Variants in RGS7 observed in about 807,000 individuals in gnomAD.
RGS7 encodes regulator of G-protein signaling 7.
A neutral mutation model predicts 81.1 loss-of-function variants in RGS7; 27 were observed. That is an observed-to-expected ratio of 0.33 (90% CI 0.25 to 0.46). The LOEUF is 0.46. Among genes scored for constraint, RGS7 ranks in the 20% least tolerant of loss-of-function variants. RGS7 has a pLI of 1.00. For synonymous variants in RGS7, 208 were observed against 207.7 expected (o/e 1.00, Z -0.01); for missense variants, 396 against 607.4 (o/e 0.65, Z 3.66).
chr1:240,783,332 C>T (rs1313747337), intron 18 of RGS7, among the ~76,000 whole-genome samples: 1 of 152,116 alleles, frequency 6.6e-6, no homozygotes, highest in African/African-American at 2.4e-5. Context: ...TTAAAAACAT[C>T]ATTCTTGGCC....
intron 3 of RGS7, among the ~76,000 whole-genome samples, chr1:241,034,232 T>C (rs2060222453): frequency 6.6e-6 from 1 of 152,234 alleles, no homozygotes. Flanking sequence ...TTCAACTTAC[T>C]GGTTTCTTAG....
Position 241,207,363 on chromosome 1 carries a change from G to A in RGS7, c.79-108601C>T, listed in dbSNP as rs376184171. Among the ~76,000 whole-genome samples the A allele has an allele frequency of 6.7e-3, 640 of 94,818 alleles. 5 individuals are homozygous for A. Among genetic ancestry groups the A allele is most frequent in the African/African-American group, 0.016 (488 of 30,436 alleles). 62.2% of individuals were successfully genotyped at this position (94,818 alleles called of 152,430 possible). A position where few individuals can be genotyped will look rare whatever the true frequency, so the allele number is the denominator to read the frequency against. On this transcript the variant is annotated intron_variant, in intron 2 of 18. Coordinates refer to ENST00000440928, the MANE Select transcript of RGS7 (RefSeq NM_001364886.1). ...CTTTAAAATGCATATATATATATGC[G>A]TAAATATACAGCTATGTACATATAG...
intron 2 of RGS7, among the ~76,000 whole-genome samples, chr1:241,177,198 A>C (rs2071218212): frequency 6.6e-6 from 1 of 152,226 alleles, no homozygotes; most frequent in East Asian, 1.9e-4. Flanking sequence ...AAAGTAACAG[A>C]GCAGTAGGCT....
chr1:241,089,623 T>C, intron 3 of RGS7, among the ~76,000 whole-genome samples: 2 of 152,212 alleles, frequency 1.3e-5, no homozygotes, highest in South Asian at 4.1e-4. Context: ...ATAACAAATA[T>C]AATAACTAAA....
rs1232411251 is a variant in RGS7 at position 241,091,597 on chromosome 1, A to AT, written c.175+7068_175+7069insA. Among the ~76,000 whole-genome samples the AT allele has an allele frequency of 1.6e-3, 224 of 143,444 alleles. 1 individual carries two copies. Among genetic ancestry groups the AT allele is most frequent in the Non-Finnish European group, 2.4e-3 (156 of 65,076 alleles). The allele number at this position is 143,444 out of a possible 152,430, so 94.1% of individuals were successfully genotyped here. ...AATAAATAAATAAATAAATAAATAA[A>AT]AAAGCTGGCCGGATGCAATGGCTCG... On this transcript the variant is annotated intron_variant, in intron 3 of 18. Transcript: ENST00000440928.
intron 2 of RGS7, among the ~76,000 whole-genome samples, chr1:241,327,542 A>AT (rs2081675585): frequency 6.6e-6 from 1 of 152,214 alleles, no homozygotes; most frequent in African/African-American, 2.4e-5. Context: ...TGTCATTATT[A>AT]TAATGACAGA....
chr1:240,967,864 C>T (rs1292289775), intron 4 of RGS7, among the ~76,000 whole-genome samples: 1 of 151,572 alleles, frequency 6.6e-6, no homozygotes, highest in Non-Finnish European at 1.5e-5. Context: ...TTCGAAATTA[C>T]AAAAAGCAAA....
intron 6 of RGS7, among the ~76,000 whole-genome samples, chr1:240,927,049 TG>T (rs1674568818): frequency 1.3e-5 from 2 of 151,552 alleles, no homozygotes; most frequent in African/African-American, 4.9e-5. Flanking sequence ...TGAAATAAAC[TG>T]GTTTTTTTTG....
intron 1 of RGS7, 83 bp from the exon 2 acceptor site, chr1:241,355,909 A>G: frequency 1.3e-6 from 1 of 765,874 alleles, no homozygotes; most frequent in South Asian, 1.4e-5. Context: ...CCCACCCCAC[A>G]TGGCGCGTTC....
chr1:241,136,058 C>A (rs757492601), intron 2 of RGS7, among the ~76,000 whole-genome samples: 1 of 150,682 alleles, frequency 6.6e-6, no homozygotes, highest in African/African-American at 2.4e-5. Context: ...GTGTTACAAA[C>A]AATATATGAG....
intron 6 of RGS7, among the ~76,000 whole-genome samples, chr1:240,907,165 T>C (rs181091958): frequency 6.6e-6 from 1 of 152,268 alleles, no homozygotes; most frequent in East Asian, 1.9e-4. Flanking sequence ...AAGTCAAGGT[T>C]TAACACTGAC....
chr1:241,189,971 T>C (rs60701065), intron 2 of RGS7, among the ~76,000 whole-genome samples: 5,121 of 151,984 alleles, frequency 0.034, 255 homozygotes, highest in African/African-American at 0.11. Flanking sequence ...GGCGCGGTGG[T>C]GGGCACCTGT....
intron 2 of RGS7, among the ~76,000 whole-genome samples, chr1:241,263,874 T>A (rs1457797175): frequency 6.6e-6 from 1 of 152,210 alleles, no homozygotes; most frequent in Non-Finnish European, 1.5e-5. Context: ...GGTGCTCTTA[T>A]ATCCCTGGAA....
chr1:241,005,444 A>AT (rs1254618547), intron 3 of RGS7, among the ~76,000 whole-genome samples: 3 of 152,192 alleles, frequency 2.0e-5, no homozygotes, highest in Non-Finnish European at 4.4e-5. Context: ...ACAAAAAAAA[A>AT]CTAGGATTCT....
At chr1:240,816,469 A>T in intron 10 of RGS7, 54 bp from the exon 11 acceptor site, 1 of 1,168,614 alleles carries the variant, frequency 8.6e-7, no homozygotes, top group South Asian at 1.2e-5. Flanking sequence ...TTACAGTCAC[A>T]GACTTTCTAA....
chr1:241,096,744 T>G (rs1168815511), intron 3 of RGS7, among the ~76,000 whole-genome samples: 1 of 152,192 alleles, frequency 6.6e-6, no homozygotes, highest in Non-Finnish European at 1.5e-5. Flanking sequence ...CAATCAAAAA[T>G]TTTAGACTCC....
chr1:240,796,792 G>A (rs2103033586), intron 18 of RGS7, among the ~76,000 whole-genome samples: 1 of 152,248 alleles, frequency 6.6e-6, no homozygotes, highest in African/African-American at 2.4e-5. Context: ...ACAACTTCTG[G>A]TCATTCCTTG....
At chr1:241,001,182 T>TA (rs1403333337) in intron 3 of RGS7, among the ~76,000 whole-genome samples, 1 of 152,190 alleles carries the variant, frequency 6.6e-6, no homozygotes, top group African/African-American at 2.4e-5. Flanking sequence ...AAAATGAAAT[T>TA]ATGAATGTGA....
chr1:240,878,289 T>A (rs1665781354), intron 6 of RGS7, among the ~76,000 whole-genome samples: 1 of 152,140 alleles, frequency 6.6e-6, no homozygotes, highest in South Asian at 2.1e-4. Context: ...CTCCCCCTAT[T>A]CTTCTTCCCT....
Sources: gnomAD v4.1 joint callset for allele counts (sites outside exome capture counted in the v4.1 genomes callset) on GRCh38, gnomAD v4.1.1 for gene constraint, MANE v1.5 for transcripts, NCBI Gene and HGNC (gene_info 2026-07-23, HGNC 2026-07-21) for gene names.